The following OCLN variants were observed in gnomAD, a reference collection of about 807,000 sequenced individuals.
OCLN encodes phosphatase 1, regulatory subunit 115.
A neutral mutation model predicts 47.9 loss-of-function variants in OCLN; 21 were observed. The observed-to-expected ratio is 0.44, with a 90% CI of 0.31 to 0.63. The LOEUF is 0.63. OCLN is among the 30% of genes least tolerant of loss of function. OCLN has a pLI of 0.08. For missense variants in OCLN, 360 were observed against 571.0 expected, an observed-to-expected ratio of 0.63 and a Z score of 3.77; for synonymous variants, 117 against 198.4, an observed-to-expected ratio of 0.59 and a Z score of 3.45.
intron 1 of OCLN, among the ~76,000 whole-genome samples, chr5:69,498,051 G>T (rs949803447): frequency 4.0e-5 from 6 of 151,476 alleles, no homozygotes; most frequent in African/African-American, 1.5e-4. Context: ...AGAATGGCGT[G>T]AACCCGGGAG....
At position 69,509,548 on chromosome 5, in the gene OCLN, T is replaced by C. The variant is rs576758998; in HGVS notation, c.458T>C (p.Leu153Ser). The C allele has an allele frequency of 6.2e-6, 10 of 1,614,222 alleles. No individual in the cohort carries two copies. In the East Asian group the frequency reaches 2.2e-4, roughly 36 times the overall value. ...GCTGCCTTTTGTTTCATTGCCGCGT[T>C]GGTGATCTTTGTTACCAGTGTTATA... ...AMAAFCFIAA[L>S]VIFVTSVIRS... The change falls in exon 3 of 9, where the codon TTG (leucine) becomes TCG (serine). Residue 153 changes from leucine (L) to serine (S), a missense_variant. Leu to Ser is a moderately radical substitution (Grantham distance 145, BLOSUM62 -2). Around this residue, in one of 3 missense-constraint regions of OCLN, gnomAD observed 314 missense variants for 368.1 expected, o/e 0.85. Transcript: ENST00000396442.
At chr5:69,505,703 A>C (rs1768580274) in intron 2 of OCLN, among the ~76,000 whole-genome samples, 1 of 152,182 alleles carries the variant, frequency 6.6e-6, no homozygotes, top group African/African-American at 2.4e-5. Context: ...ATTTGCTATC[A>C]AACATTGATA....
At chr5:69,511,981 C>T (rs1768800140) in intron 3 of OCLN, among the ~76,000 whole-genome samples, 1 of 149,916 alleles carries the variant, frequency 6.7e-6, no homozygotes, top group African/African-American at 2.5e-5. Context: ...TGAAATTGTG[C>T]CACTGCACTC....
chr5:69,505,747 A>G (rs1048276473), intron 2 of OCLN, among the ~76,000 whole-genome samples: 5 of 152,196 alleles, frequency 3.3e-5, no homozygotes, highest in Admixed American at 1.3e-4. Flanking sequence ...TGCAGCTTTA[A>G]CCATGATAAG....
Position 69,493,863 on chromosome 5 carries a change from G to C in OCLN, c.-69+963G>C, listed in dbSNP as rs188783417. On this transcript the variant is annotated intron_variant, in intron 1 of 8. Transcript: ENST00000396442. The surrounding 1 kb of genome is among the most constrained non-coding windows in gnomAD (Gnocchi z 5.3). The stretch of plus-strand genomic sequence containing the variant: ...GCCTCTGCGCCTAGGGGTTGGGAGC[G>C]GCGCCGAGCCCCTCGCGCTCCTCGG... Among the ~76,000 whole-genome samples, 64 of 152,308 alleles carry C rather than the reference G, an allele frequency of 4.2e-4. No individual in the cohort carries two copies. The East Asian group carries it at 0.011, about 26-fold the overall frequency.
rs1488401957 is a variant in OCLN, at chr5:69,516,431, A to G, written c.891+2322A>G. ...AGAATCAGGCAGGGAGGCTGCAGTGAGCCGAGATGGCAGCAGTACAGTCCA... is the reference window on the plus strand; with the variant it reads ...AGAATCAGGCAGGGAGGCTGCAGTGGGCCGAGATGGCAGCAGTACAGTCCA... On this transcript the variant is annotated intron_variant, in intron 4 of 8. Coordinates refer to ENST00000396442, the MANE Select transcript of OCLN (RefSeq NM_001205254.2). Among the ~76,000 whole-genome samples the G allele has an allele frequency of 2.0e-5, 3 of 152,194 alleles. No homozygotes were observed. The East Asian group carries it at 5.8e-4, about 30-fold the overall frequency.
At chr5:69,496,242 G>T (rs1462009686) in intron 1 of OCLN, among the ~76,000 whole-genome samples, 2 of 152,070 alleles carry the variant, frequency 1.3e-5, no homozygotes, top group African/African-American at 4.8e-5. Flanking sequence ...GGGACTACAG[G>T]CGCCTGCCAC....
chr5:69,515,986 G>C (rs548697577), intron 4 of OCLN, among the ~76,000 whole-genome samples: 1 of 150,870 alleles, frequency 6.6e-6, no homozygotes, highest in Non-Finnish European at 1.5e-5. Flanking sequence ...GATGGCGGCC[G>C]GGCAGAGACG....
In OCLN at chr5:69,509,298, A is replaced by G. The variant is rs778368708; in HGVS notation, c.208A>G (p.Met70Val). Residue 70 changes from methionine (M) to valine (V), a missense_variant, in exon 3 of 9, where the codon ATG (methionine) becomes GTG (valine). Met to Val is a conservative substitution (Grantham distance 21, BLOSUM62 1). Around this residue, in one of 3 missense-constraint regions of OCLN, gnomAD observed 314 missense variants for 368.1 expected, o/e 0.85. Transcript: ENST00000396442. ...TCCAGGAGTGATTCGGATCCTGTCT[A>G]TGCTCATTATTGTGATGTGCATTGC... The part of the protein sequence containing the change: ...SPPGVIRILS[M>V]LIIVMCIAIF... The G allele has an allele frequency of 1.7e-5, 27 of 1,614,068 alleles. No individual in the cohort carries two copies. The highest frequency in any genetic ancestry group is 2.7e-5 in the African/African-American group (2 of 74,922).
intron 4 of OCLN, among the ~76,000 whole-genome samples, chr5:69,533,108 C>CAT (rs139759677): frequency 0.19 from 28,466 of 146,700 alleles, 4,376 homozygotes; most frequent in African/African-American, 0.43. Flanking sequence ...CACACACACA[C>CAT]ATATATATAT....
At chr5:69,529,423 A>C (rs1241526462) in intron 4 of OCLN, among the ~76,000 whole-genome samples, 1 of 152,100 alleles carries the variant, frequency 6.6e-6, no homozygotes, top group Non-Finnish European at 1.5e-5. Flanking sequence ...ACCTCTTGTG[A>C]AGATCTTTTA....
intron 1 of OCLN, among the ~76,000 whole-genome samples, chr5:69,499,807 G>T (rs185765606): frequency 3.2e-4 from 48 of 152,240 alleles, no homozygotes; most frequent in African/African-American, 1.0e-3. Flanking sequence ...GGATGGTCTT[G>T]ATCTCTTGAC....
chr5:69,522,874 G>A (rs138551921), intron 4 of OCLN, among the ~76,000 whole-genome samples: 1,981 of 117,000 alleles, frequency 0.017, 51 homozygotes, highest in African/African-American at 0.061. Context: ...CTACAGACAT[G>A]TGCCGCTATG....
At chr5:69,519,563 TGG>T (rs1348901631) in intron 4 of OCLN, among the ~76,000 whole-genome samples, 6 of 152,226 alleles carry the variant, frequency 3.9e-5, no homozygotes, top group Non-Finnish European at 7.4e-5. Flanking sequence ...GTCACTCAGA[TGG>T]ATACCAGTTT....
chr5:69,500,214 C>A (rs887051871), intron 1 of OCLN, among the ~76,000 whole-genome samples: 1 of 152,094 alleles, frequency 6.6e-6, no homozygotes, highest in Non-Finnish European at 1.5e-5. Flanking sequence ...AATTGGGTGC[C>A]GTAATCCAGC....
intron 3 of OCLN, 96 bp from the exon 4 acceptor site, chr5:69,513,852 C>T: frequency 9.8e-7 from 1 of 1,017,504 alleles, no homozygotes; most frequent in Non-Finnish European, 1.5e-6. Context: ...TTTAGTAGGG[C>T]CTTAGGGTAG....
chr5:69,530,675 C>T (rs1444246665), intron 4 of OCLN: 3 of 152,008 alleles, frequency 2.0e-5, no homozygotes, highest in Non-Finnish European at 2.9e-5. Context: ...GCTAATCTTT[C>T]CTGTATTGTT....
At chr5:69,531,795 A>C (rs960445730) in intron 4 of OCLN, among the ~76,000 whole-genome samples, 1 of 152,200 alleles carries the variant, frequency 6.6e-6, no homozygotes, top group African/African-American at 2.4e-5. Context: ...ATCTTTCTGT[A>C]TGTGATACTG....
At chr5:69,522,604 GGACCA>G (rs1769169244) in intron 4 of OCLN, among the ~76,000 whole-genome samples, 1 of 152,016 alleles carries the variant, frequency 6.6e-6, no homozygotes, top group Non-Finnish European at 1.5e-5. Context: ...GATATACACT[GGACCA>G]CCCCCCTTGT....
Sources: gnomAD v4.1 joint callset for allele counts (sites outside exome capture counted in the v4.1 genomes callset) on GRCh38, gnomAD v4.1.1 for gene constraint, gnomAD v4.1.1 regional missense constraint, Gnocchi (gnomAD v3.1) non-coding constraint, MANE v1.5 for transcripts, NCBI Gene and HGNC (gene_info 2026-07-23, HGNC 2026-07-21) for gene names.